The following VTI1A variants were observed in gnomAD, a reference collection of about 807,000 sequenced individuals.
VTI1A encodes the protein vesicle transport through interaction with t-SNAREs homolog 1A.
VTI1A carries 22 observed loss-of-function variants against 34.9 expected under a neutral mutation model. The ratio of observed to expected loss-of-function variants is 0.63; its 90% confidence interval spans 0.45 to 0.90. The LOEUF (loss-of-function observed/expected upper bound fraction) is 0.90, where lower values mean the gene tolerates loss of function less well. Ranked by LOEUF, VTI1A falls within the 40% of genes least tolerant of loss-of-function variation. The probability of loss-of-function intolerance (pLI) is 0.00; values close to 1 mark genes in which losing one functional copy is unlikely to be tolerated. For synonymous variants in VTI1A, 87 were observed against 97.3 expected, an observed-to-expected ratio of 0.89 and a Z score of 0.62; for missense variants, 268 against 275.6, an observed-to-expected ratio of 0.97 and a Z score of 0.20.
chr10:112,581,672 T>C (rs770614572), intron 5 of VTI1A, among the ~76,000 whole-genome samples: 28 of 152,344 alleles, frequency 1.8e-4, no homozygotes, highest in Middle Eastern at 6.8e-3. Context: ...CATTTATGTT[T>C]ATAGAGATCT....
At chr10:112,778,086 G>T (rs1852003975) in intron 7 of VTI1A, among the ~76,000 whole-genome samples, 1 of 151,802 alleles carries the variant, frequency 6.6e-6, no homozygotes, top group Non-Finnish European at 1.5e-5. Context: ...TGGGCAACAA[G>T]AGCAAAACTC....
chr10:112,729,633 C>T (rs905051958), intron 7 of VTI1A, among the ~76,000 whole-genome samples: 4 of 152,246 alleles, frequency 2.6e-5, no homozygotes, highest in African/African-American at 7.2e-5. Flanking sequence ...GAAAAACACA[C>T]GCAAATTGAT....
At chr10:112,636,913 A>T (rs1433427269) in intron 5 of VTI1A, among the ~76,000 whole-genome samples, 1 of 152,124 alleles carries the variant, frequency 6.6e-6, no homozygotes, top group African/African-American at 2.4e-5. Flanking sequence ...AGTCATTAAG[A>T]TTCATTGTCA....
chr10:112,564,063 T>G (rs1476345373), intron 5 of VTI1A, among the ~76,000 whole-genome samples: 1 of 151,688 alleles, frequency 6.6e-6, no homozygotes, highest in African/African-American at 2.4e-5. Context: ...AATTGTAAAA[T>G]CTCAGTAGTT....
chr10:112,622,358 T>C (rs1313647505), intron 5 of VTI1A, among the ~76,000 whole-genome samples: 2 of 152,024 alleles, frequency 1.3e-5, no homozygotes, highest in Non-Finnish European at 2.9e-5. Context: ...CTTTTACTGA[T>C]GCTAAAATGT....
chr10:112,503,412 A>G (rs548795576), intron 3 of VTI1A, among the ~76,000 whole-genome samples: 2 of 152,300 alleles, frequency 1.3e-5, no homozygotes, highest in South Asian at 2.1e-4. Context: ...TATAGAATGT[A>G]CTTTTTATTT....
intron 7 of VTI1A, among the ~76,000 whole-genome samples, chr10:112,717,453 T>C (rs758135724): frequency 2.0e-5 from 3 of 152,186 alleles, no homozygotes; most frequent in Non-Finnish European, 1.5e-5. Context: ...ATGAGCCTTC[T>C]TCAGACAGAG....
At chr10:112,609,055 A>G (rs2134505299) in intron 5 of VTI1A, among the ~76,000 whole-genome samples, 1 of 152,316 alleles carries the variant, frequency 6.6e-6, no homozygotes, top group South Asian at 2.1e-4. Flanking sequence ...AATAATTATC[A>G]TTGGAAAATG....
chr10:112,547,587 C>G (rs990608936), intron 5 of VTI1A, among the ~76,000 whole-genome samples: 35 of 151,858 alleles, frequency 2.3e-4, no homozygotes, highest in African/African-American at 7.7e-4. Context: ...CAATAATAAT[C>G]ATAATCATAA....
chr10:112,788,834 G>A (rs1415183627), intron 7 of VTI1A, among the ~76,000 whole-genome samples: 4 of 151,720 alleles, frequency 2.6e-5, no homozygotes, highest in Admixed American at 2.0e-4. Flanking sequence ...ATTTTTAAAT[G>A]TTCTCAGTCT....
At chr10:112,576,612 G>A (rs1454791609) in intron 5 of VTI1A, among the ~76,000 whole-genome samples, 1 of 152,168 alleles carries the variant, frequency 6.6e-6, no homozygotes, top group Non-Finnish European at 1.5e-5. Context: ...GTGGAATGGT[G>A]ATTACAAGGT....
At position 112,516,562 on chromosome 10, in the gene VTI1A, C is replaced by T. The variant is rs572358148; in HGVS notation, c.265-10525C>T. 3.3e-5 allele frequency among the ~76,000 whole-genome samples: 5 copies of T among 152,104 alleles called. No individual in the cohort carries two copies. The East Asian group carries it at 5.8e-4, about 18-fold the overall frequency. On this transcript the variant is annotated intron_variant, in intron 3 of 7. Coordinates refer to ENST00000393077, the MANE Select transcript of VTI1A (RefSeq NM_145206.4). ...TGAGACTTTGGACCTATTGGCTTAC[C>T]TCTGCCAAAAACATGTCAGTCTTTC...
intron 5 of VTI1A, among the ~76,000 whole-genome samples, chr10:112,667,922 C>T (rs1466400511): frequency 1.3e-5 from 2 of 152,146 alleles, no homozygotes; most frequent in Non-Finnish European, 2.9e-5. Context: ...TAATGGACCT[C>T]AGATCTTCTC....
At chr10:112,626,388 T>C (rs894695848) in intron 5 of VTI1A, among the ~76,000 whole-genome samples, 4 of 130,826 alleles carry the variant, frequency 3.1e-5, no homozygotes, top group Non-Finnish European at 6.4e-5. Flanking sequence ...TTTTTCTGTT[T>C]ATTAGGCAAA....
chr10:112,632,532 T>TA (rs1371118305), intron 5 of VTI1A, among the ~76,000 whole-genome samples: 1 of 152,202 alleles, frequency 6.6e-6, no homozygotes, highest in Non-Finnish European at 1.5e-5. Context: ...CTGCCCCACT[T>TA]ACTCAAGCAT....
At chr10:112,699,903 G>A (rs911921761) in intron 7 of VTI1A, among the ~76,000 whole-genome samples, 4 of 151,478 alleles carry the variant, frequency 2.6e-5, no homozygotes, top group African/African-American at 7.3e-5. Flanking sequence ...GGTGGATCAC[G>A]AGGTCAGGAG....
chr10:112,588,586 AAAG>A (rs1199849373), intron 5 of VTI1A, among the ~76,000 whole-genome samples: 6 of 152,316 alleles, frequency 3.9e-5, no homozygotes, highest in African/African-American at 1.4e-4. Flanking sequence ...GTGAGAGCAA[AAAG>A]AAGGACGAGG....
chr10:112,537,055 G>A (rs570781056), intron 4 of VTI1A, among the ~76,000 whole-genome samples: 5 of 151,824 alleles, frequency 3.3e-5, no homozygotes, highest in South Asian at 2.1e-4. Flanking sequence ...AGATCGTTTC[G>A]CTCGACAGCC....
chr10:112,644,329 G>A (rs1846692106), intron 5 of VTI1A, among the ~76,000 whole-genome samples: 1 of 152,188 alleles, frequency 6.6e-6, no homozygotes, highest in Non-Finnish European at 1.5e-5. Flanking sequence ...CTGGCAGGTG[G>A]TAATAATGCC....
Sources: gnomAD v4.1 joint callset for allele counts (sites outside exome capture counted in the v4.1 genomes callset) on GRCh38, gnomAD v4.1.1 for gene constraint, MANE v1.5 for transcripts, NCBI Gene and HGNC (gene_info 2026-07-23, HGNC 2026-07-21) for gene names.